The following FAM114A1 variants were observed in gnomAD, a reference collection of about 807,000 sequenced individuals.
FAM114A1 encodes the protein family with sequence similarity 114 member A1.
FAM114A1 carries 62 observed loss-of-function variants against 64.3 expected under a neutral mutation model. The observed-to-expected ratio is 0.96, with a 90% CI of 0.79 to 1.19. The LOEUF (loss-of-function observed/expected upper bound fraction) is 1.19. Among genes scored for constraint, FAM114A1 ranks in the 50% most tolerant of loss-of-function variants. FAM114A1 has a pLI of 0.00. For missense variants in FAM114A1, 645 were observed against 676.3 expected, an observed-to-expected ratio of 0.95 and a Z score of 0.51; for synonymous variants, 254 against 251.1, an observed-to-expected ratio of 1.01 and a Z score of -0.11.
intron 4 of FAM114A1, among the ~76,000 whole-genome samples, chr4:38,900,744 G>T (rs1173712392): frequency 6.6e-6 from 1 of 152,164 alleles, no homozygotes; most frequent in Non-Finnish European, 1.5e-5. Context: ...AATGTAGAAT[G>T]ATGGTTGCCA....
chr4:38,899,413 G>A (rs972683489), intron 4 of FAM114A1, among the ~76,000 whole-genome samples: 1 of 152,022 alleles, frequency 6.6e-6, no homozygotes, highest in Non-Finnish European at 1.5e-5. Flanking sequence ...AACTCCCTTT[G>A]GTCAAGGGCA....
chr4:38,910,406 T>C (rs1312819445), intron 7 of FAM114A1, among the ~76,000 whole-genome samples: 1 of 152,190 alleles, frequency 6.6e-6, no homozygotes, highest in Non-Finnish European at 1.5e-5. Flanking sequence ...ACACAGGAGC[T>C]CGTCCCAGGG....
intron 8 of FAM114A1, 28 bp downstream of exon 8, chr4:38,915,101 G>C (rs1185110667): frequency 6.2e-7 from 1 of 1,609,734 alleles, no homozygotes; most frequent in Non-Finnish European, 8.5e-7. Context: ...GTTTGAAATG[G>C]CATGCTTAGT....
At position 38,931,507 on chromosome 4, in the gene FAM114A1, T is replaced by G. The variant is rs776410369; in HGVS notation, c.1218T>G (p.Asp406Glu). 1 of 1,613,956 alleles carries G rather than the reference T, an allele frequency of 6.2e-7. No homozygotes were observed. Among genetic ancestry groups the G allele is most frequent in the South Asian group, 1.1e-5 (1 of 91,056 alleles). ...AGGATCAAACCGTGGTGTCAGTAGATGTGGCAAAAGTGTCCGAAGAAGAAA... is the reference window on the plus strand; with the variant it reads ...AGGATCAAACCGTGGTGTCAGTAGAGGTGGCAAAAGTGTCCGAAGAAGAAA... ...VEEDQTVVSV[D>E]VAKVSEEETK... The change falls in exon 11 of 15, where the codon GAT (aspartate) becomes GAG (glutamate). Residue 406 changes from aspartate (D) to glutamate (E), a missense_variant. Physicochemically the swap from Asp to Glu is conservative, Grantham distance 45. Transcript: ENST00000358869.
At chr4:38,875,184 A>T (rs1195213532) in intron 2 of FAM114A1, among the ~76,000 whole-genome samples, 1 of 138,862 alleles carries the variant, frequency 7.2e-6, no homozygotes, top group Non-Finnish European at 1.6e-5. Context: ...CATGAATTTT[A>T]GAATATTTTT....
At chr4:38,921,980 T>C (rs563637243) in intron 8 of FAM114A1, among the ~76,000 whole-genome samples, 5 of 152,312 alleles carry the variant, frequency 3.3e-5, no homozygotes, top group African/African-American at 1.2e-4. Context: ...TCTCGCTCTG[T>C]CACCAGGTTG....
At chr4:38,943,191 C>CAAAA (rs1255932256) in intron 14 of FAM114A1, among the ~76,000 whole-genome samples, 1 of 88,868 alleles carries the variant, frequency 1.1e-5, no homozygotes, top group African/African-American at 4.5e-5. Flanking sequence ...GACTCTGTCT[C>CAAAA]AAAAAAAAAA....
chr4:38,925,166 A>G (rs866088817), intron 9 of FAM114A1, among the ~76,000 whole-genome samples: 98 of 152,348 alleles, frequency 6.4e-4, no homozygotes, highest in African/African-American at 2.2e-3. Context: ...TAGCAATGGT[A>G]GGTTTGCCTC....
chr4:38,888,930 ATTT>A, intron 3 of FAM114A1, among the ~76,000 whole-genome samples: 1 of 152,324 alleles, frequency 6.6e-6, no homozygotes, highest in South Asian at 2.1e-4. Context: ...CATGCTTAAC[ATTT>A]TTTATATTAA....
intron 3 of FAM114A1, among the ~76,000 whole-genome samples, chr4:38,884,290 A>G (rs1715584204): frequency 6.6e-6 from 1 of 152,224 alleles, no homozygotes; most frequent in Non-Finnish European, 1.5e-5. Context: ...CACCGGCCTG[A>G]GTTCAGTATT....
At chr4:38,870,867 C>A (rs1713987369) in intron 2 of FAM114A1, among the ~76,000 whole-genome samples, 1 of 152,112 alleles carries the variant, frequency 6.6e-6, no homozygotes, top group African/African-American at 2.4e-5. Context: ...TGGTTTCATA[C>A]AAAAGGGTAT....
chr4:38,928,138 C>T lies in FAM114A1; in HGVS notation c.1070-1104C>T, dbSNP rs138838159. 1.2e-4 allele frequency among the ~76,000 whole-genome samples: 18 copies of T among 146,514 alleles called. No homozygotes were observed. In the East Asian group the frequency reaches 3.3e-3, roughly 27 times the overall value. On this transcript the variant is annotated intron_variant, in intron 9 of 14. Transcript: ENST00000358869. Reference sequence around the variant, plus strand: ...CAGATCAACCATTTTGTCCATAAAACAGAAAATAGCATCTCCAGACAAGGG... The same window carrying T: ...CAGATCAACCATTTTGTCCATAAAATAGAAAATAGCATCTCCAGACAAGGG...
intron 6 of FAM114A1, 120 bp from the exon 7 acceptor site, chr4:38,908,472 A>G (rs897311846): frequency 2.0e-6 from 2 of 975,666 alleles, no homozygotes; most frequent in Non-Finnish European, 2.9e-6. Context: ...TGATGAGAAA[A>G]AATTGTGACT....
intron 2 of FAM114A1, among the ~76,000 whole-genome samples, chr4:38,877,311 C>G (rs1714738650): frequency 6.6e-6 from 1 of 152,130 alleles, no homozygotes; most frequent in African/African-American, 2.4e-5. Flanking sequence ...AAGGTAGAAT[C>G]AGTGGGAGCC....
intron 12 of FAM114A1, among the ~76,000 whole-genome samples, chr4:38,932,957 G>A (rs1003623393): frequency 1.4e-4 from 21 of 150,938 alleles, no homozygotes; most frequent in South Asian, 2.1e-4. Context: ...AGGTTCAAGC[G>A]ATTCTCCTGC....
At chr4:38,908,858 C>T in intron 7 of FAM114A1, 132 bp downstream of exon 7, 1 of 966,784 alleles carries the variant, frequency 1.0e-6, no homozygotes, top group Non-Finnish European at 1.5e-6. Context: ...AGAGAGAAAA[C>T]TGAGCTTCTA....
intron 9 of FAM114A1, among the ~76,000 whole-genome samples, chr4:38,928,415 T>C (rs1175119425): frequency 6.6e-6 from 1 of 152,252 alleles, no homozygotes; most frequent in East Asian, 1.9e-4. Flanking sequence ...TTGTAATCTT[T>C]AACAATCTCT....
chr4:38,935,695 C>CT (rs377231719), intron 12 of FAM114A1, 23 bp from the exon 13 acceptor site: 49,144 of 1,087,952 alleles, frequency 0.045, no homozygotes, highest in Non-Finnish European at 0.05. Context: ...AACATCCAAG[C>CT]TTTTTTTTTT....
intron 2 of FAM114A1, among the ~76,000 whole-genome samples, chr4:38,872,404 C>T (rs1201088309): frequency 6.6e-6 from 1 of 152,128 alleles, no homozygotes; most frequent in Admixed American, 6.5e-5. Context: ...TTTTATTTAC[C>T]CATAAGTGTT....
Sources: gnomAD v4.1 joint callset for allele counts (sites outside exome capture counted in the v4.1 genomes callset) on GRCh38, gnomAD v4.1.1 for gene constraint, MANE v1.5 for transcripts, NCBI Gene and HGNC (gene_info 2026-07-23, HGNC 2026-07-21) for gene names.